The following POU2AF2 variants were observed in gnomAD, a reference collection of about 807,000 sequenced individuals.
POU2AF2 encodes the protein POU domain class 2-associating factor 2.
At chr11:111,270,047 G>A in the POU2AF2 span, among the ~76,000 whole-genome samples, 1 of 152,178 alleles carries the variant, frequency 6.6e-6, no homozygotes, top group Non-Finnish European at 1.5e-5. Flanking sequence ...AAGAAATTCA[G>A]TGTAAAATTT....
the POU2AF2 span, among the ~76,000 whole-genome samples, chr11:111,253,964 T>G: frequency 6.6e-6 from 1 of 152,144 alleles, no homozygotes; most frequent in Non-Finnish European, 1.5e-5. Flanking sequence ...TACAAGGAAG[T>G]GATGCGTTCT....
the POU2AF2 span, among the ~76,000 whole-genome samples, chr11:111,251,740 T>C: frequency 6.6e-6 from 1 of 152,222 alleles, no homozygotes; most frequent in Admixed American, 6.5e-5. Flanking sequence ...CCCTGCTCTT[T>C]CACATGTGAA....
At chr11:111,258,722 C>A in the POU2AF2 span, among the ~76,000 whole-genome samples, 1 of 152,138 alleles carries the variant, frequency 6.6e-6, no homozygotes, top group East Asian at 1.9e-4. Flanking sequence ...TGTCCCATGT[C>A]TACTATTATT....
chr11:111,259,246 G>A, the POU2AF2 span, among the ~76,000 whole-genome samples: 1 of 151,550 alleles, frequency 6.6e-6, no homozygotes, highest in Non-Finnish European at 1.5e-5. Flanking sequence ...AACAAGAGAA[G>A]CGAAGTAATT....
the POU2AF2 span, among the ~76,000 whole-genome samples, chr11:111,278,863 G>T: frequency 6.6e-6 from 1 of 152,220 alleles, no homozygotes; most frequent in African/African-American, 2.4e-5. Flanking sequence ...ATTGGTAAAA[G>T]TTCCTAAAGA....
At chr11:111,260,504 C>T in the POU2AF2 span, among the ~76,000 whole-genome samples, 1 of 152,264 alleles carries the variant, frequency 6.6e-6, no homozygotes, top group Admixed American at 6.5e-5. Context: ...AGTATCCTCC[C>T]TCACAAGGGG....
the POU2AF2 span, among the ~76,000 whole-genome samples, chr11:111,256,649 C>T: frequency 6.6e-6 from 1 of 152,326 alleles, no homozygotes; most frequent in South Asian, 2.1e-4. Context: ...GGGGTCCCTT[C>T]CAGCTGTAAA....
chr11:111,254,952 A>G, the POU2AF2 span, among the ~76,000 whole-genome samples: 1 of 152,184 alleles, frequency 6.6e-6, no homozygotes. Flanking sequence ...TAGTTAGAAA[A>G]CATCTTAGAA....
chr11:111,247,765 G>A, the POU2AF2 span, among the ~76,000 whole-genome samples: 1 of 151,694 alleles, frequency 6.6e-6, no homozygotes, highest in East Asian at 1.9e-4. Flanking sequence ...CCAGCCTGGT[G>A]ACAGAGCAAG....
chr11:111,286,163 T>G, the POU2AF2 span: 1 of 1,279,124 alleles, frequency 7.8e-7, no homozygotes, highest in Non-Finnish European at 1.1e-6. Flanking sequence ...TAAGCCTCAA[T>G]GCTGCTCTTT....
chr11:111,259,058 C>T, the POU2AF2 span, among the ~76,000 whole-genome samples: 1,005 of 152,264 alleles, frequency 6.6e-3, 52 homozygotes, highest in Admixed American at 0.06. Flanking sequence ...CAACCAAGCC[C>T]TAGACTGAAA....
At chr11:111,271,485 G>A in the POU2AF2 span, among the ~76,000 whole-genome samples, 1 of 152,120 alleles carries the variant, frequency 6.6e-6, no homozygotes, top group Admixed American at 6.5e-5. Flanking sequence ...GCAGTGGCAT[G>A]AATTTGGCTC....
At chr11:111,264,560 GAAAGAAAGAAAGAA>G in the POU2AF2 span, among the ~76,000 whole-genome samples, 2 of 56,218 alleles carry the variant, frequency 3.6e-5, no homozygotes, top group African/African-American at 1.3e-4. Flanking sequence ...AAGAAAGAAA[GAAAGAAAGAAAGAA>G]AGGGAGAGAG....
At chr11:111,269,603 G>A in the POU2AF2 span, among the ~76,000 whole-genome samples, 18 of 152,048 alleles carry the variant, frequency 1.2e-4, no homozygotes, top group Admixed American at 5.9e-4. Context: ...TTTTTGCAGC[G>A]GAACAGCCGT....
chr11:111,275,879 TAAC>T, the POU2AF2 span, among the ~76,000 whole-genome samples: 1 of 152,034 alleles, frequency 6.6e-6, no homozygotes, highest in Non-Finnish European at 1.5e-5. Context: ...GTGAGTTAAA[TAAC>T]AAATTAACTA....
chr11:111,286,290 G>C, the POU2AF2 span: 1 of 470,366 alleles, frequency 2.1e-6, no homozygotes, highest in South Asian at 3.3e-5. Flanking sequence ...CTTACAATGT[G>C]GTCTTTTTGG....
chr11:111,269,508 G>A, the POU2AF2 span, among the ~76,000 whole-genome samples: 1 of 152,068 alleles, frequency 6.6e-6, no homozygotes, highest in East Asian at 1.9e-4. Flanking sequence ...CTGCTCTATT[G>A]GTTCTGCAGG....
chr11:111,285,636 C>T, the POU2AF2 span: 1 of 1,600,018 alleles, frequency 6.2e-7, no homozygotes, highest in Non-Finnish European at 8.5e-7. Context: ...CCTCCGTGGC[C>T]TTTCCATTCT....
chr11:111,267,959 C>G, the POU2AF2 span, among the ~76,000 whole-genome samples: 13 of 152,158 alleles, frequency 8.5e-5, no homozygotes, highest in Non-Finnish European at 1.6e-4. Context: ...AGATAGAACC[C>G]TTTACTAATG....
Sources: gnomAD v4.1 joint callset for allele counts (sites outside exome capture counted in the v4.1 genomes callset) on GRCh38, gnomAD v4.1.1 for gene constraint, MANE v1.5 for transcripts, NCBI Gene and HGNC (gene_info 2026-07-23, HGNC 2026-07-21) for gene names.